The following CLTCL1 variants were observed in gnomAD, a reference collection of about 807,000 sequenced individuals.
CLTCL1 encodes the protein clathrin heavy chain like 1, also known as clathrin heavy chain 2.
In CLTCL1, 159 loss-of-function variants were observed where a neutral mutation model predicts 190.0. The ratio of observed to expected loss-of-function variants is 0.84; its 90% CI spans 0.74 to 0.95. The LOEUF is 0.95. CLTCL1 is among the 40% of genes least tolerant of loss of function. CLTCL1 has a pLI of 0.00. For missense variants in CLTCL1, 1,878 were observed against 2,033.4 expected, an observed-to-expected ratio of 0.92 and a Z score of 1.47; for synonymous variants, 752 against 769.6, an observed-to-expected ratio of 0.98 and a Z score of 0.38.
At chr22:19,289,065 C>T (rs2088013080) in intron 1 of CLTCL1, among the ~76,000 whole-genome samples, 1 of 152,194 alleles carries the variant, frequency 6.6e-6, no homozygotes, top group African/African-American at 2.4e-5. Flanking sequence ...CTCACTGCAA[C>T]CTCTGCCTCC....
At chr22:19,231,043 G>T (rs2085904009) in intron 10 of CLTCL1, among the ~76,000 whole-genome samples, 1 of 152,094 alleles carries the variant, frequency 6.6e-6, no homozygotes, top group Non-Finnish European at 1.5e-5. Context: ...TTACACCAAA[G>T]GCCCCCCAGG....
chr22:19,179,845 C>G lies in CLTCL1; in HGVS notation c.*145G>C. On this transcript the variant is annotated 3_prime_UTR_variant, in exon 33 of 33. Coordinates refer to ENST00000427926, the MANE Select transcript of CLTCL1 (RefSeq NM_007098.4). ...ATGCTCCTTGGAGAAGTTAGTAACT[C>G]TGCAGGTAGGGTGGGTGGTGACAAC... The G allele has an allele frequency of 3.1e-6, 1 of 323,968 alleles. No homozygotes were observed. The highest frequency in any genetic ancestry group is 4.1e-5 in the South Asian group (1 of 24,546). The allele number at this position is 323,968 out of a possible 1,614,324, so 20.1% of individuals were successfully genotyped here.
intron 27 of CLTCL1, among the ~76,000 whole-genome samples, chr22:19,190,063 C>T (rs1161299244): frequency 6.6e-6 from 1 of 152,174 alleles, no homozygotes; most frequent in African/African-American, 2.4e-5. Flanking sequence ...GCCTCAGCCT[C>T]CCAAGTAGCT....
chr22:19,291,518 T>G, intron 1 of CLTCL1, 82 bp downstream of exon 1: 1 of 1,218,550 alleles, frequency 8.2e-7, no homozygotes, highest in Non-Finnish European at 1.1e-6. Context: ...TCAGCGGGGC[T>G]GGGGGCGCGG....
At chr22:19,205,395 A>T (rs1780644) in intron 22 of CLTCL1, among the ~76,000 whole-genome samples, 8,952 of 152,256 alleles carry the variant, frequency 0.059, 327 homozygotes, top group Middle Eastern at 0.16. Flanking sequence ...CTGTGGTCCC[A>T]GCTACTCGGG....
chr22:19,211,746 G>A lies in CLTCL1; in HGVS notation c.3066-1237C>T, dbSNP rs552337013. ...TGCGCCACTGCACTCCAGCCTGGGCGACAGAGCAAGATTGCATCTCAAAAA... is the reference window on the plus strand; with the variant it reads ...TGCGCCACTGCACTCCAGCCTGGGCAACAGAGCAAGATTGCATCTCAAAAA... On this transcript the variant is annotated intron_variant, in intron 19 of 32. Coordinates refer to ENST00000427926, the MANE Select transcript of CLTCL1 (RefSeq NM_007098.4). Among the ~76,000 whole-genome samples the A allele has an allele frequency of 7.9e-4, 102 of 129,618 alleles. 2 individuals carry two copies. The South Asian group carries it at 0.023, about 29-fold the overall frequency. The allele number at this position is 129,618 out of a possible 152,430, so 85.0% of individuals were successfully genotyped here.
At chr22:19,202,877 G>A (rs1417053689) in intron 22 of CLTCL1, among the ~76,000 whole-genome samples, 2 of 152,114 alleles carry the variant, frequency 1.3e-5, no homozygotes, top group East Asian at 1.9e-4. Context: ...TGCCACCAAG[G>A]CCTGCTCCAT....
At chr22:19,222,371 A>C (rs143462499) in intron 15 of CLTCL1, among the ~76,000 whole-genome samples, 566 of 152,310 alleles carry the variant, frequency 3.7e-3, no homozygotes, top group African/African-American at 0.012. Context: ...GTGCACATGC[A>C]CAGAGGAAAG....
At chr22:19,233,067 A>G (rs2085963764) in intron 9 of CLTCL1, 99 bp downstream of exon 9, 6 of 1,280,568 alleles carry the variant, frequency 4.7e-6, no homozygotes. Flanking sequence ...CTCACACCAG[A>G]GGACTTACAA....
In CLTCL1 at chr22:19,226,321, C is replaced by A; in HGVS notation, c.1845G>T (p.Gln615His). 6.2e-7 allele frequency: 1 copy of A among 1,614,038 alleles called. No individual in the cohort carries two copies. Among genetic ancestry groups the A allele is most frequent in the Non-Finnish European group, 8.5e-7 (1 of 1,179,896 alleles). ...FTHYDRAHIAQLCEKAGLLQQ... is the reference protein window; with the variant it reads ...FTHYDRAHIAHLCEKAGLLQQ... ...GCAGGAGGCCTGCCTTCTCACAGAG[C>A]TGGGCAATGTGGGCCCGGTCGTAAT... The change falls in exon 12 of 33, where the codon CAG becomes CAT. Residue 615 changes from glutamine (Q) to histidine (H), a missense_variant. Transcript: ENST00000427926.
intron 2 of CLTCL1, chr22:19,257,734 TG>T: frequency 7.9e-7 from 1 of 1,271,104 alleles, no homozygotes; most frequent in Non-Finnish European, 1.1e-6. Context: ...GCCAGGGGTC[TG>T]GCAGGAATAG....
Position 19,221,594 on chromosome 22 carries a change from G to C in CLTCL1, c.2579C>G (p.Pro860Arg), listed in dbSNP as rs1555952436. ...TTCCTGAATCTGGGACTCCAGCCAG[G>C]GAAGCAGCAGCTTGAGCCTTTGAAA... ...EKRNRLKLLL[P>R]WLESQIQEGC... is the part of the protein sequence containing the mutation. The change falls in exon 17 of 33, where the codon CCC becomes CGC. Residue 860 changes from proline (P) to arginine (R), a missense_variant. Coordinates refer to ENST00000427926, the MANE Select transcript of CLTCL1 (RefSeq NM_007098.4). The C allele has an allele frequency of 6.3e-7, 1 of 1,589,846 alleles. No individual in the cohort carries two copies. The highest frequency in any genetic ancestry group is 1.8e-5 in the Admixed American group (1 of 56,012).
chr22:19,218,161 C>G (rs1175647095), intron 18 of CLTCL1, among the ~76,000 whole-genome samples: 1 of 152,122 alleles, frequency 6.6e-6, no homozygotes, highest in African/African-American at 2.4e-5. Flanking sequence ...GCAGCTCTAC[C>G]CAGAAACAGG....
intron 7 of CLTCL1, 136 bp from the exon 8 acceptor site, chr22:19,233,758 C>T (rs184483458): frequency 1.4e-6 from 1 of 717,982 alleles, no homozygotes; most frequent in African/African-American, 1.8e-5. Flanking sequence ...AGTCCTCTAC[C>T]AAGGCAACTG....
intron 18 of CLTCL1, among the ~76,000 whole-genome samples, chr22:19,219,157 T>TTTTTTTA (rs1555951019): frequency 6.7e-6 from 1 of 148,854 alleles, no homozygotes; most frequent in African/African-American, 2.5e-5. Flanking sequence ...GACTAAGATG[T>TTTTTTTA]TTTATTTATT....
intron 2 of CLTCL1, chr22:19,258,121 G>A: frequency 2.5e-6 from 1 of 395,634 alleles, no homozygotes; most frequent in South Asian, 2.0e-5. Context: ...TGTAGATGAA[G>A]ACAAAGATTG....
chr22:19,231,171 C>T lies in CLTCL1; in HGVS notation c.1645-1196G>A, dbSNP rs543626096. ...TCCAAGGTCTCCTCTAGCTTGCAGA[C>T]AGTCTATCACAGGACTTCTCAGCCT... On this transcript the variant is annotated intron_variant, in intron 10 of 32. Coordinates refer to ENST00000427926, the MANE Select transcript of CLTCL1 (RefSeq NM_007098.4). Among the ~76,000 whole-genome samples the T allele has an allele frequency of 1.6e-4, 25 of 152,320 alleles. No individual in the cohort carries two copies. In the East Asian group the frequency reaches 4.6e-3, roughly 28 times the overall value.
intron 22 of CLTCL1, among the ~76,000 whole-genome samples, chr22:19,202,869 C>G (rs1431386820): frequency 6.6e-6 from 1 of 152,212 alleles, no homozygotes; most frequent in Non-Finnish European, 1.5e-5. Context: ...CCTTCCTATG[C>G]CACCAAGGCC....
At chr22:19,282,337 A>AG (rs2087747089) in intron 1 of CLTCL1, among the ~76,000 whole-genome samples, 3 of 151,258 alleles carry the variant, frequency 2.0e-5, no homozygotes, top group Admixed American at 2.0e-4. Flanking sequence ...TCAAAAAAAA[A>AG]AAAAGAAATA....
Sources: allele counts gnomAD v4.1 joint callset (sites outside exome capture counted in the v4.1 genomes callset), GRCh38; gene constraint gnomAD v4.1.1; transcripts MANE v1.5; gene names NCBI Gene and HGNC (gene_info 2026-07-23, HGNC 2026-07-21).